Variants in CPLANE1 observed in about 807,000 individuals in gnomAD.
CPLANE1 encodes the protein ciliogenesis and planar polarity effector 1.
Under a neutral mutation model 362.5 loss-of-function variants are expected in CPLANE1, and 263 were observed. The observed-to-expected ratio is 0.73, with a 90% confidence interval of 0.66 to 0.80. CPLANE1 has a LOEUF of 0.80. Ranked by LOEUF, CPLANE1 falls within the 30% of genes least tolerant of loss-of-function variation. CPLANE1 has a pLI of 0.00. For synonymous variants in CPLANE1, 1,212 were observed against 1,302.6 expected (o/e 0.93, Z 1.50); for missense variants, 3,461 against 3,793.4 (o/e 0.91, Z 2.30).
chr5:37,129,799 T>C (rs991967245), intron 46 of CPLANE1, among the ~76,000 whole-genome samples: 31 of 152,356 alleles, frequency 2.0e-4, no homozygotes, highest in African/African-American at 6.5e-4. Flanking sequence ...CTGGTGGGAA[T>C]GTAAACTAGT....
At chr5:37,131,207 G>A (rs1765685478) in intron 46 of CPLANE1, among the ~76,000 whole-genome samples, 1 of 152,172 alleles carries the variant, frequency 6.6e-6, no homozygotes, top group African/African-American at 2.4e-5. Flanking sequence ...GGGGGATGGG[G>A]AGGTTGGTAG....
At chr5:37,236,868 T>A (rs1799113959) in intron 8 of CPLANE1, among the ~76,000 whole-genome samples, 1 of 151,836 alleles carries the variant, frequency 6.6e-6, no homozygotes, top group Admixed American at 6.6e-5. Flanking sequence ...CACAACGAGA[T>A]AACATACCAG....
At chr5:37,131,195 T>G (rs1214390267) in intron 46 of CPLANE1, among the ~76,000 whole-genome samples, 1 of 152,228 alleles carries the variant, frequency 6.6e-6, no homozygotes, top group Non-Finnish European at 1.5e-5. Context: ...ATGCAGTTAT[T>G]TGGGGGATGG....
At chr5:37,141,869 T>C (rs372383816) in intron 44 of CPLANE1, 1 of 790,518 alleles carries the variant, frequency 1.3e-6, no homozygotes, top group African/African-American at 1.9e-5. Context: ...ATGGAGATAA[T>C]AATAGTGTCT....
rs907588969 is a variant in CPLANE1, at chr5:37,125,036, A to G, written c.8958+208T>C. ...AGCCTGGGGGACAAGAAAATATTTA[A>G]GATAATTCAGTATAACTTGGTTAGC... On this transcript the variant is annotated intron_variant, in intron 47 of 52. Transcript: ENST00000651892. 17 of 1,331,380 alleles carry G rather than the reference A, an allele frequency of 1.3e-5. No individual in the cohort carries two copies. The Admixed American group carries it at 5.6e-4, about 44-fold the overall frequency. The allele number at this position is 1,331,380 out of a possible 1,614,324, so 82.5% of individuals were successfully genotyped here.
intron 41 of CPLANE1, among the ~76,000 whole-genome samples, chr5:37,156,870 C>T (rs1775264359): frequency 6.6e-6 from 1 of 152,114 alleles, no homozygotes; most frequent in Admixed American, 6.6e-5. Flanking sequence ...TCCAATCATA[C>T]CTCAAACCTT....
At chr5:37,191,304 G>T (rs538717071) in intron 21 of CPLANE1, among the ~76,000 whole-genome samples, 1 of 152,046 alleles carries the variant, frequency 6.6e-6, no homozygotes, top group Non-Finnish European at 1.5e-5. Context: ...AGGCTGAGGC[G>T]GGAGGATCGA....
At chr5:37,084,206 C>A in the CPLANE1 span, among the ~76,000 whole-genome samples, 1 of 152,300 alleles carries the variant, frequency 6.6e-6, no homozygotes, top group East Asian at 1.9e-4. Context: ...GAAAGATAGT[C>A]TTTTCCATAC....
At chr5:37,188,551 AC>A (rs1784637841) in intron 21 of CPLANE1, among the ~76,000 whole-genome samples, 1 of 152,178 alleles carries the variant, frequency 6.6e-6, no homozygotes, top group Non-Finnish European at 1.5e-5. Flanking sequence ...AAAAGGAAAC[AC>A]TTTTACACTG....
chr5:37,248,230 C>A (rs1032786065), intron 1 of CPLANE1, among the ~76,000 whole-genome samples: 1 of 150,950 alleles, frequency 6.6e-6, no homozygotes, highest in East Asian at 2.0e-4. Flanking sequence ...CGGGTTCAAG[C>A]GATTCTCTTG....
At chr5:37,089,968 T>C in the CPLANE1 span, among the ~76,000 whole-genome samples, 2 of 152,180 alleles carry the variant, frequency 1.3e-5, no homozygotes, top group South Asian at 2.1e-4. Flanking sequence ...GCCAATACTT[T>C]TAAATTTATA....
chr5:37,123,461 A>G (rs1015264695), intron 47 of CPLANE1, among the ~76,000 whole-genome samples: 1 of 152,230 alleles, frequency 6.6e-6, no homozygotes, highest in Admixed American at 6.5e-5. Context: ...CCCAAATAGA[A>G]GTTAAAAAAC....
chr5:37,137,178 A>G (rs558775165), intron 46 of CPLANE1, among the ~76,000 whole-genome samples: 1 of 152,292 alleles, frequency 6.6e-6, no homozygotes, highest in Admixed American at 6.5e-5. Context: ...GATACCCTAA[A>G]TAATCTCTCT....
At position 37,207,933 on chromosome 5, in the gene CPLANE1, T is replaced by G. The variant is rs985521993; in HGVS notation, c.2921-1508A>C. Among the ~76,000 whole-genome samples the G allele has an allele frequency of 2.0e-5, 3 of 152,058 alleles. No individual in the cohort carries two copies. In the South Asian group the frequency reaches 6.2e-4, roughly 31 times the overall value. On this transcript the variant is annotated intron_variant, in intron 16 of 52. Transcript: ENST00000651892. ...TTTTTTTTTGTTTGCTTTGGTTTTT[T>G]TGTTGTTGTTGTTTTTGTTTTGTTT...
At chr5:37,186,513 A>C (rs920460869) in intron 23 of CPLANE1, 119 bp from the exon 24 acceptor site, 3 of 615,648 alleles carry the variant, frequency 4.9e-6, no homozygotes, top group Non-Finnish European at 8.9e-6. Flanking sequence ...AATCTTTTGA[A>C]GTCAGGTCAA....
intron 42 of CPLANE1, 35 bp from the exon 43 acceptor site, chr5:37,148,303 A>G: frequency 1.4e-6 from 2 of 1,380,838 alleles, no homozygotes; most frequent in South Asian, 2.6e-5. Context: ...AACAACAGTA[A>G]TACTTTGATA....
In CPLANE1 at chr5:37,209,786, G is replaced by A; in HGVS notation, c.2921-3361C>T. On this transcript the variant is annotated intron_variant, in intron 16 of 52. Coordinates refer to ENST00000651892, the MANE Select transcript of CPLANE1 (RefSeq NM_001384732.1). This position sits in a 1 kb window ranked among gnomAD's most constrained non-coding sequence, Gnocchi z 4.6. ...AAGAAAACCAAAAAGGTTTTCTTAT[G>A]CATTTTTTAAAAGGATTGGCAGAAT... 2 of 1,308,454 alleles carry A rather than the reference G, an allele frequency of 1.5e-6. No homozygotes were observed. The highest frequency in any genetic ancestry group is 2.4e-5 in the South Asian group (2 of 84,748). The allele number at this position is 1,308,454 out of a possible 1,614,324, so 81.1% of individuals were successfully genotyped here. A position where few individuals can be genotyped will look rare whatever the true frequency, so the allele number is the denominator to read the frequency against.
chr5:37,206,663 G>GA (rs753346211), intron 16 of CPLANE1, among the ~76,000 whole-genome samples: 3 of 150,754 alleles, frequency 2.0e-5, no homozygotes, highest in East Asian at 3.9e-4. Flanking sequence ...AAACAAAAGA[G>GA]AAAAAAAACA....
chr5:37,154,127 C>A, intron 41 of CPLANE1, 134 bp from the exon 42 acceptor site: 1 of 671,782 alleles, frequency 1.5e-6, no homozygotes. Flanking sequence ...TTAAATATAC[C>A]TAAAAATTCC....
Sources: allele counts gnomAD v4.1 joint callset (sites outside exome capture counted in the v4.1 genomes callset), GRCh38; gene constraint gnomAD v4.1.1; non-coding constraint Gnocchi (gnomAD v3.1); transcripts MANE v1.5; gene names NCBI Gene and HGNC (gene_info 2026-07-23, HGNC 2026-07-21).